CNOT6L: variants seen among roughly 807,000 people sequenced by gnomAD.
CNOT6L encodes CCR4-NOT transcription complex subunit 6-like.
In CNOT6L, 7 loss-of-function variants were observed where a neutral mutation model predicts 64.0. That is an observed-to-expected ratio of 0.11 (90% confidence interval 0.06 to 0.21). CNOT6L has a LOEUF of 0.21. Ranked by LOEUF, CNOT6L falls within the 10% of genes least tolerant of loss-of-function variation. The probability of loss-of-function intolerance (pLI) is 1.00; values close to 1 mark genes in which losing one functional copy is unlikely to be tolerated. For missense variants in CNOT6L, 245 were observed against 669.0 expected (o/e 0.37, Z 6.99); for synonymous variants, 193 against 243.4 (o/e 0.79, Z 1.93).
At chr4:77,788,874 C>A (rs1483705214) in intron 1 of CNOT6L, among the ~76,000 whole-genome samples, 1 of 150,096 alleles carries the variant, frequency 6.7e-6, no homozygotes, top group Non-Finnish European at 1.5e-5. Context: ...AGGAATTTAA[C>A]CTAAGCCTAA....
At chr4:77,802,379 A>G (rs1430976273) in intron 1 of CNOT6L, among the ~76,000 whole-genome samples, 1 of 152,236 alleles carries the variant, frequency 6.6e-6, no homozygotes, top group Non-Finnish European at 1.5e-5. Flanking sequence ...TATGTTATAT[A>G]GGTTTTAGTC....
At chr4:77,748,752 G>T (rs1251725759) in intron 5 of CNOT6L, among the ~76,000 whole-genome samples, 1 of 152,104 alleles carries the variant, frequency 6.6e-6, no homozygotes, top group Non-Finnish European at 1.5e-5. Flanking sequence ...CAACCCTGAT[G>T]AATTAAAATA....
At chr4:77,790,964 A>T (rs1730080236) in intron 1 of CNOT6L, among the ~76,000 whole-genome samples, 2 of 151,834 alleles carry the variant, frequency 1.3e-5, no homozygotes, top group African/African-American at 4.8e-5. Flanking sequence ...TGCCCAGCCA[A>T]AACTTTCACA....
chr4:77,804,145 T>C (rs866500599), intron 1 of CNOT6L, among the ~76,000 whole-genome samples: 9 of 152,208 alleles, frequency 5.9e-5, no homozygotes, highest in African/African-American at 1.9e-4. Flanking sequence ...AATGAAATAT[T>C]GGCCGGGCAC....
chr4:77,784,617 A>C (rs1729237203), intron 1 of CNOT6L, among the ~76,000 whole-genome samples: 2 of 151,598 alleles, frequency 1.3e-5, no homozygotes, highest in East Asian at 1.9e-4. Context: ...CTGAGTACCG[A>C]GGACTACAGG....
At chr4:77,789,945 C>CAAAAAAAAAAAAAAAA (rs58242121) in intron 1 of CNOT6L, among the ~76,000 whole-genome samples, 1 of 83,310 alleles carries the variant, frequency 1.2e-5, no homozygotes, top group African/African-American at 4.8e-5. Context: ...GACACTGTCT[C>CAAAAAAAAAAAAAAAA]AAAAAAAAAA....
At chr4:77,795,208 G>A (rs1447396498) in intron 1 of CNOT6L, among the ~76,000 whole-genome samples, 8 of 151,766 alleles carry the variant, frequency 5.3e-5, no homozygotes, top group East Asian at 1.9e-4. Flanking sequence ...TAGTAGAGAC[G>A]GGGTTTCTCC....
At chr4:77,766,873 G>C (rs1726889889) in intron 4 of CNOT6L, among the ~76,000 whole-genome samples, 1 of 151,726 alleles carries the variant, frequency 6.6e-6, no homozygotes, top group Non-Finnish European at 1.5e-5. Flanking sequence ...AGACCAGCCT[G>C]GCTAAATGGT....
chr4:77,726,040 G>A, intron 11 of CNOT6L, 127 bp downstream of exon 11: 1 of 841,236 alleles, frequency 1.2e-6, no homozygotes, highest in Non-Finnish European at 1.9e-6. Context: ...TGCATACTTA[G>A]CCTAGACATT....
In CNOT6L at chr4:77,715,809, T is replaced by G. The variant is rs544991649; in HGVS notation, c.*4622A>C. ...GACACTTATAAAGGTGAGCATATCA[T>G]TCTATAAAATGAAAGATGCTCTTGG... is the stretch of plus-strand genomic sequence containing the variant. On this transcript the variant is annotated 3_prime_UTR_variant, in exon 12 of 12. Coordinates refer to ENST00000504123, the MANE Select transcript of CNOT6L (RefSeq NM_144571.3). 6.6e-6 allele frequency: 1 copy of G among 152,648 alleles called. No homozygotes were observed. Among genetic ancestry groups the G allele is most frequent in the East Asian group, 1.9e-4 (1 of 5,182 alleles). The allele number at this position is 152,648 out of a possible 1,614,324, so 9.5% of individuals were successfully genotyped here. A position where few individuals can be genotyped will look rare whatever the true frequency, so the allele number is the denominator to read the frequency against.
At chr4:77,802,002 T>G (rs559994273) in intron 1 of CNOT6L, among the ~76,000 whole-genome samples, 1 of 152,348 alleles carries the variant, frequency 6.6e-6, no homozygotes, top group South Asian at 2.1e-4. Context: ...CTAAAATGTA[T>G]TTAAAGTTGC....
At chr4:77,811,874 T>TAA (rs34864447) in intron 1 of CNOT6L, among the ~76,000 whole-genome samples, 2 of 140,922 alleles carry the variant, frequency 1.4e-5, no homozygotes, top group African/African-American at 5.2e-5. Context: ...AGGAGCAGTT[T>TAA]AAAAAAAAAA....
At chr4:77,807,126 T>C (rs1324334231) in intron 1 of CNOT6L, among the ~76,000 whole-genome samples, 1 of 151,782 alleles carries the variant, frequency 6.6e-6, no homozygotes, top group African/African-American at 2.4e-5. Context: ...CCGCCTGCCT[T>C]GGTTAGCTGG....
At chr4:77,742,344 A>G (rs1397694696) in intron 7 of CNOT6L, 49 bp from the exon 8 acceptor site, 1 of 1,502,932 alleles carries the variant, frequency 6.7e-7, no homozygotes, top group Non-Finnish European at 9.1e-7. Context: ...GAAAATGCTG[A>G]TTAAGATATA....
At chr4:77,724,835 C>G (rs985788789) in intron 11 of CNOT6L, among the ~76,000 whole-genome samples, 3 of 152,028 alleles carry the variant, frequency 2.0e-5, no homozygotes, top group African/African-American at 7.3e-5. Context: ...CTGTGGTAAA[C>G]TGTATCATTA....
At chr4:77,720,887 G>A (rs1721204070) in intron 11 of CNOT6L, among the ~76,000 whole-genome samples, 1 of 152,130 alleles carries the variant, frequency 6.6e-6, no homozygotes, top group Admixed American at 6.5e-5. Context: ...AATTTGAGAA[G>A]CTAAACACAT....
chr4:77,813,519 A>G (rs564812748), intron 1 of CNOT6L, among the ~76,000 whole-genome samples: 1 of 152,300 alleles, frequency 6.6e-6, no homozygotes, highest in Admixed American at 6.5e-5. Flanking sequence ...CAAATCATAT[A>G]TAAGGGACAC....
chr4:77,757,080 C>G (rs1179971642), intron 4 of CNOT6L, 129 bp from the exon 5 acceptor site: 1 of 460,700 alleles, frequency 2.2e-6, no homozygotes, highest in Admixed American at 3.8e-5. Context: ...TATATTTAAT[C>G]TATTATATAC....
At chr4:77,733,979 CT>C (rs1220126808) in intron 8 of CNOT6L, among the ~76,000 whole-genome samples, 1 of 152,084 alleles carries the variant, frequency 6.6e-6, no homozygotes, top group Non-Finnish European at 1.5e-5. Flanking sequence ...CTGGGTCTGT[CT>C]TTTTGAAAAG....
Sources: allele counts gnomAD v4.1 joint callset (sites outside exome capture counted in the v4.1 genomes callset), GRCh38; gene constraint gnomAD v4.1.1; transcripts MANE v1.5; gene names NCBI Gene and HGNC (gene_info 2026-07-23, HGNC 2026-07-21).